PTPN21: variants seen among roughly 807,000 people sequenced by gnomAD.
PTPN21 encodes the protein protein tyrosine phosphatase non-receptor type 21.
In PTPN21, 77 loss-of-function variants were observed where a neutral mutation model predicts 131.8. The ratio of observed to expected loss-of-function variants is 0.58; its 90% CI spans 0.49 to 0.71. The LOEUF (loss-of-function observed/expected upper bound fraction) is 0.71, where lower values mean the gene tolerates loss of function less well. Ranked by LOEUF, PTPN21 falls within the 30% of genes least tolerant of loss-of-function variation. The pLI is 0.00. For synonymous variants in PTPN21, 715 were observed against 621.3 expected (o/e 1.15, Z -2.24); for missense variants, 1,552 against 1,527.1 (o/e 1.02, Z -0.27).
In PTPN21 at chr14:88,479,148, C is replaced by A; in HGVS notation, c.2283G>T (p.Lys761Asn). Residue 761 changes from lysine to asparagine, a missense_variant, in exon 13 of 19, where the codon AAG (lysine) becomes AAT (asparagine). Around this residue, in one of 4 missense-constraint regions of PTPN21, gnomAD observed 1,016 missense variants for 883.5 expected, o/e 1.15. Coordinates refer to ENST00000556564, the MANE Select transcript of PTPN21 (RefSeq NM_007039.4). ...LAGPLHILEP[K>N]AHVPDAEKRM... is the part of the protein sequence containing the mutation. ...TCTTCTCCGCGTCTGGGACGTGGGC[C>A]TTGGGCTCCAGGATGTGCAGGGGCC... 1 of 1,553,718 alleles carries A rather than the reference C, an allele frequency of 6.4e-7. No homozygotes were observed. The highest frequency in any genetic ancestry group is 8.7e-7 in the Non-Finnish European group (1 of 1,152,546).
chr14:88,513,326 G>A (rs1473401633), intron 3 of PTPN21, among the ~76,000 whole-genome samples: 5 of 152,142 alleles, frequency 3.3e-5, no homozygotes, highest in Admixed American at 6.5e-5. Context: ...CACCACACTC[G>A]GCTCATTTTT....
In PTPN21 at chr14:88,491,668, T is replaced by G. The variant is rs546187748; in HGVS notation, c.932+4745A>C. On this transcript the variant is annotated intron_variant, in intron 10 of 18. Transcript: ENST00000556564. ...AATATTAAAAGCTTCATTTACTTTA[T>G]GTGGGAAACAAACGCTCACAATGAA... Among the ~76,000 whole-genome samples, 177 of 152,334 alleles carry G rather than the reference T, an allele frequency of 1.2e-3. 1 individual carries two copies. The highest frequency in any genetic ancestry group is 1.5e-3 in the Non-Finnish European group (104 of 68,024).
intron 12 of PTPN21, among the ~76,000 whole-genome samples, chr14:88,482,574 T>C (rs765033085): frequency 2.6e-5 from 4 of 151,596 alleles, no homozygotes; most frequent in Non-Finnish European, 5.9e-5. Flanking sequence ...AATCATGCCA[T>C]TGCACTCTAG....
intron 2 of PTPN21, among the ~76,000 whole-genome samples, chr14:88,532,641 T>A (rs2078571147): frequency 6.6e-6 from 1 of 152,316 alleles, no homozygotes. Context: ...ATACATACTT[T>A]TAATGAGTTT....
At chr14:88,510,351 T>C (rs1242561874) in intron 3 of PTPN21, among the ~76,000 whole-genome samples, 3 of 152,200 alleles carry the variant, frequency 2.0e-5, no homozygotes, top group African/African-American at 7.2e-5. Flanking sequence ...CCAGGCATAA[T>C]CGCACTCATT....
Position 88,473,541 on chromosome 14 carries a change from T to C in PTPN21, c.2649+124A>G, listed in dbSNP as rs988197475. 4.9e-6 allele frequency: 6 copies of C among 1,214,706 alleles called. No individual in the cohort carries two copies. In the African/African-American group the frequency reaches 9.5e-5, roughly 19 times the overall value. The allele number at this position is 1,214,706 out of a possible 1,614,324, so 75.2% of individuals were successfully genotyped here. A position where few individuals can be genotyped will look rare whatever the true frequency, so the allele number is the denominator to read the frequency against. ...CAATTTTGAGGCCCATATTACAAAATTCCTTAACACTCATTTATTATTAAA... is the reference window on the plus strand; with the variant it reads ...CAATTTTGAGGCCCATATTACAAAACTCCTTAACACTCATTTATTATTAAA... On this transcript the variant is annotated intron_variant, in intron 14 of 18. Coordinates refer to ENST00000556564, the MANE Select transcript of PTPN21 (RefSeq NM_007039.4).
intron 2 of PTPN21, among the ~76,000 whole-genome samples, chr14:88,520,452 T>G (rs1002673603): frequency 6.6e-6 from 1 of 152,068 alleles, no homozygotes; most frequent in Non-Finnish European, 1.5e-5. Flanking sequence ...GCAAATAAAA[T>G]TTTTGAAAAT....
chr14:88,474,352 A>C (rs368512798), intron 13 of PTPN21, among the ~76,000 whole-genome samples: 1 of 151,802 alleles, frequency 6.6e-6, no homozygotes, highest in Admixed American at 6.6e-5. Context: ...ACCATGCCCA[A>C]CTAATCTTTG....
At chr14:88,502,850 C>T (rs2078031389) in intron 6 of PTPN21, among the ~76,000 whole-genome samples, 6 of 151,804 alleles carry the variant, frequency 4.0e-5, no homozygotes, top group Admixed American at 3.9e-4. Context: ...CCCATGAGCA[C>T]GTGGAAGGAG....
At chr14:88,538,393 G>A (rs927302715) in intron 2 of PTPN21, among the ~76,000 whole-genome samples, 1 of 152,142 alleles carries the variant, frequency 6.6e-6, no homozygotes, top group African/African-American at 2.4e-5. Context: ...TCATCAGTCT[G>A]ATACTTCCAA....
At position 88,472,340 on chromosome 14, in the gene PTPN21, ATTTC is replaced by A. The variant is rs1226046687; in HGVS notation, c.2771_2774del (p.Arg924IlefsTer12). 6.2e-7 allele frequency: 1 copy of A among 1,613,756 alleles called. No individual in the cohort carries two copies. The highest frequency in any genetic ancestry group is 8.5e-7 in the Non-Finnish European group (1 of 1,179,866). ...CATAAGGAAGAACATCTTGGAATCG[ATTTC>A]TTTCTGCATTTTCAGGGAGTCGTGC... is the stretch of plus-strand genomic sequence containing the variant. On this transcript the variant is annotated frameshift_variant, in exon 15 of 19. Transcript: ENST00000556564. LOFTEE classifies it high-confidence loss of function.
At chr14:88,520,351 C>T (rs1334640013) in intron 2 of PTPN21, among the ~76,000 whole-genome samples, 1 of 151,628 alleles carries the variant, frequency 6.6e-6, no homozygotes, top group East Asian at 1.9e-4. Context: ...ACAGAGGCTG[C>T]AGTCAGCTAA....
At chr14:88,522,785 C>T (rs762740285) in intron 2 of PTPN21, among the ~76,000 whole-genome samples, 10 of 152,080 alleles carry the variant, frequency 6.6e-5, no homozygotes, top group Non-Finnish European at 1.5e-4. Flanking sequence ...GGATTGAATG[C>T]TCTCTTAGAA....
intron 13 of PTPN21, among the ~76,000 whole-genome samples, chr14:88,476,374 C>A (rs901497912): frequency 5.3e-5 from 8 of 152,028 alleles, no homozygotes; most frequent in Admixed American, 1.3e-4. Flanking sequence ...CATTTTTATC[C>A]CCCCAACAAC....
At chr14:88,542,377 A>G (rs2078718875) in intron 2 of PTPN21, among the ~76,000 whole-genome samples, 1 of 152,170 alleles carries the variant, frequency 6.6e-6, no homozygotes. Context: ...CCTCATGTCC[A>G]CCATTTTGTA....
chr14:88,472,338 C>A lies in PTPN21; in HGVS notation c.2777G>T (p.Arg926Leu). Residue 926 changes from arginine (R) to leucine (L), a missense_variant, in exon 15 of 19, where the codon CGA (arginine) becomes CTA (leucine). By Grantham distance (102) the Arg-to-Leu change is moderately radical (BLOSUM62 -2). Transcript: ENST00000556564. ...ARLPENAERNRFQDVLPYDDV... is the reference protein window; with the variant it reads ...ARLPENAERNLFQDVLPYDDV... ...ATCATAAGGAAGAACATCTTGGAATCGATTTCTTTCTGCATTTTCAGGGAG... is the reference window on the plus strand; with the variant it reads ...ATCATAAGGAAGAACATCTTGGAATAGATTTCTTTCTGCATTTTCAGGGAG... The A allele has an allele frequency of 2.5e-6, 4 of 1,613,746 alleles. No homozygotes were observed. Among genetic ancestry groups the A allele is most frequent in the Non-Finnish European group, 3.4e-6 (4 of 1,179,668 alleles).
chr14:88,484,321 T>G (rs2077701035), intron 12 of PTPN21, among the ~76,000 whole-genome samples: 1 of 152,030 alleles, frequency 6.6e-6, no homozygotes, highest in African/African-American at 2.4e-5. Context: ...TCCTTAGCAT[T>G]TGGTATAGCC....
In PTPN21 at chr14:88,472,294, C is replaced by T. The variant is rs1168813513; in HGVS notation, c.2821G>A (p.Val941Ile). ...LPYDDVRVELVPTKENNTGYI... is the reference protein window; with the variant it reads ...LPYDDVRVELIPTKENNTGYI... ...CCAGTGTTGTTTTCTTTAGTTGGGACCAACTCCACTCTCACATCATCATAA... is the reference window on the plus strand; with the variant it reads ...CCAGTGTTGTTTTCTTTAGTTGGGATCAACTCCACTCTCACATCATCATAA... Residue 941 changes from valine to isoleucine, a missense_variant, in exon 15 of 19, where the codon GTC (valine) becomes ATC (isoleucine). Val to Ile is a conservative substitution (Grantham distance 29, BLOSUM62 3). Transcript: ENST00000556564. The T allele has an allele frequency of 6.2e-7, 1 of 1,613,814 alleles. No individual in the cohort carries two copies. Among genetic ancestry groups the T allele is most frequent in the East Asian group, 2.2e-5 (1 of 44,866 alleles).
chr14:88,512,972 A>G (rs1335435961), intron 3 of PTPN21, among the ~76,000 whole-genome samples: 1 of 152,210 alleles, frequency 6.6e-6, no homozygotes, highest in East Asian at 1.9e-4. Flanking sequence ...CAAAGGTTTT[A>G]GCCAATACTG....
Sources: allele counts gnomAD v4.1 joint callset (sites outside exome capture counted in the v4.1 genomes callset), GRCh38; gene constraint gnomAD v4.1.1; regional missense constraint gnomAD v4.1.1; transcripts MANE v1.5; gene names NCBI Gene and HGNC (gene_info 2026-07-23, HGNC 2026-07-21).